CYREN: variants seen among roughly 807,000 people sequenced by gnomAD.
The protein encoded by CYREN is cell cycle regulator of NHEJ.
In CYREN, 7 loss-of-function variants were observed where a neutral mutation model predicts 9.7. The ratio of observed to expected loss-of-function variants is 0.72; its 90% CI spans 0.41 to 1.36. The LOEUF is 1.36. Ranked by LOEUF, CYREN falls within the 40% of genes most tolerant of loss-of-function variation. The probability of loss-of-function intolerance (pLI) is 0.01; values close to 1 mark genes in which losing one functional copy is unlikely to be tolerated. For synonymous variants in CYREN, 76 were observed against 77.9 expected, an observed-to-expected ratio of 0.98 and a Z score of 0.13; for missense variants, 215 against 198.1, an observed-to-expected ratio of 1.09 and a Z score of -0.51.
At chr7:135,161,301 A>T (rs1431700212), downstream of CYREN, among the ~76,000 whole-genome samples, 2 of 152,230 alleles carry the variant, frequency 1.3e-5, no homozygotes, top group Non-Finnish European at 2.9e-5. This position sits in a 1 kb window ranked among gnomAD's most constrained non-coding sequence, Gnocchi z 4.1. Flanking sequence ...ATTAATTTTT[A>T]AAAAGGCAGC....
In CYREN at chr7:135,113,510, T is replaced by C. The variant is rs111396303; in HGVS notation, n.357-18928A>G. ...CACAGTGTATTTCTTGCTTTTATTC[T>C]AAATGTATTCTACTTTCTCTTATGC... On this transcript the variant is annotated intron_variant and non_coding_transcript_variant, in intron 2 of 2. Transcript: ENST00000459937. Among the ~76,000 whole-genome samples, 198 of 152,354 alleles carry C rather than the reference T, an allele frequency of 1.3e-3. 3 individuals are homozygous for C. Among genetic ancestry groups the C allele is most frequent in the African/African-American group, 4.7e-3 (196 of 41,584 alleles).
intron 2 of CYREN, among the ~76,000 whole-genome samples, chr7:135,110,332 G>A (rs1825442868): frequency 6.6e-6 from 1 of 152,194 alleles, no homozygotes; most frequent in Non-Finnish European, 1.5e-5. Context: ...TATGTACAGA[G>A]GTCTAACTTC....
In CYREN at chr7:135,168,873, A is replaced by T. The variant is rs369731450; in HGVS notation, c.50T>A (p.Leu17Gln). Residue 17 changes from leucine (L) to glutamine (Q), a missense_variant, in exon 2 of 4, where the codon CTG (leucine) becomes CAG (glutamine). Leu to Gln is a moderately radical substitution (Grantham distance 113). Coordinates refer to ENST00000393114, the MANE Select transcript of CYREN (RefSeq NM_024033.4). ...ATTCTTTGTAGCCACCTGGGCTGTC[A>T]GCCATGAGGGAAGGACCCTCGTTTT... ...ETKTRVLPSW[L>Q]TAQVATKNVA... is the part of the protein sequence containing the mutation. The T allele has an allele frequency of 3.7e-6, 6 of 1,613,910 alleles. No homozygotes were observed. Among genetic ancestry groups the T allele is most frequent in the Non-Finnish European group, 5.1e-6 (6 of 1,179,892 alleles).
intron 2 of CYREN, among the ~76,000 whole-genome samples, chr7:135,156,916 G>A (rs1482227185): frequency 4.6e-5 from 7 of 152,198 alleles, no homozygotes; most frequent in Non-Finnish European, 1.0e-4. Context: ...TAGTGAATAA[G>A]TCTCATGAGA....
At chr7:135,116,784 T>C (rs1826379965) in intron 2 of CYREN, among the ~76,000 whole-genome samples, 1 of 152,208 alleles carries the variant, frequency 6.6e-6, no homozygotes, top group Non-Finnish European at 1.5e-5. Flanking sequence ...TCTGTGGTGC[T>C]TGGCTGGAGT....
intron 2 of CYREN, chr7:135,128,351 G>C: frequency 5.5e-6 from 1 of 183,206 alleles, no homozygotes; most frequent in Admixed American, 6.5e-5. Flanking sequence ...CAAGGCATTT[G>C]TAAACTGTCA....
rs543517927 is a variant in CYREN, at chr7:135,095,487, A to G, written n.357-905T>C. Among the ~76,000 whole-genome samples, 51 of 152,318 alleles carry G rather than the reference A, an allele frequency of 3.3e-4. No homozygotes were observed. The South Asian group carries it at 5.0e-3, about 15-fold the overall frequency. On this transcript the variant is annotated intron_variant and non_coding_transcript_variant, in intron 2 of 2. Transcript: ENST00000459937. ...GCTACAGCAAACATTAAACAGTCCA[A>G]TTCCTTGTCAGATTAATATAAAACC...
intron 3 of CYREN, 188 bp downstream of exon 3, chr7:135,167,544 C>A: frequency 7.0e-7 from 1 of 1,430,840 alleles, no homozygotes; most frequent in Non-Finnish European, 9.1e-7. Flanking sequence ...CTCAAAGACA[C>A]CCCACGAGCG....
At chr7:135,110,460 G>A (rs151079560) in intron 2 of CYREN, among the ~76,000 whole-genome samples, 10 of 152,128 alleles carry the variant, frequency 6.6e-5, no homozygotes, top group African/African-American at 2.4e-4. Flanking sequence ...ATAACCCTAT[G>A]TGTCAGACTG....
At chr7:135,095,630 C>G (rs778294455) in intron 2 of CYREN, among the ~76,000 whole-genome samples, 1 of 152,194 alleles carries the variant, frequency 6.6e-6, no homozygotes, top group Non-Finnish European at 1.5e-5. Context: ...TCTTTGCTTT[C>G]AGTTCCCCAA....
chr7:135,111,648 T>C (rs979918469), intron 2 of CYREN, among the ~76,000 whole-genome samples: 2 of 152,100 alleles, frequency 1.3e-5, no homozygotes, highest in East Asian at 3.9e-4. Context: ...GTCATATCTG[T>C]GACACTACTC....
At chr7:135,120,842 G>C (rs1409060512) in intron 2 of CYREN, among the ~76,000 whole-genome samples, 1 of 152,152 alleles carries the variant, frequency 6.6e-6, no homozygotes, top group Non-Finnish European at 1.5e-5. Context: ...TTATCAAAGA[G>C]GGGCATTATA....
intron 2 of CYREN, among the ~76,000 whole-genome samples, chr7:135,111,796 AC>A (rs1264595837): frequency 6.6e-6 from 1 of 152,104 alleles, no homozygotes; most frequent in East Asian, 1.9e-4. Context: ...GGTCTTTCTC[AC>A]CACATACTTT....
intron 2 of CYREN, among the ~76,000 whole-genome samples, chr7:135,101,911 A>G (rs934117810): frequency 1.3e-5 from 2 of 152,134 alleles, no homozygotes; most frequent in African/African-American, 4.8e-5. Flanking sequence ...TGCTGTCCTC[A>G]TGATAGTAAA....
chr7:135,120,830 A>T (rs1223968389), intron 2 of CYREN, among the ~76,000 whole-genome samples: 1 of 152,218 alleles, frequency 6.6e-6, no homozygotes, highest in Non-Finnish European at 1.5e-5. Flanking sequence ...GAGGAAAGAA[A>T]ATTATCAAAG....
downstream of CYREN, among the ~76,000 whole-genome samples, chr7:135,164,185 G>A (rs1585361098): frequency 6.6e-6 from 1 of 152,230 alleles, no homozygotes; most frequent in Admixed American, 6.5e-5. Flanking sequence ...CACTTTCAAA[G>A]CTGCTTGGGA....
chr7:135,171,793 G>C (rs1022126258), upstream of CYREN, among the ~76,000 whole-genome samples: 1 of 98,850 alleles, frequency 1.0e-5, no homozygotes. Flanking sequence ...CCTGTGGAGC[G>C]TCCCTGCAGA....
intron 2 of CYREN, among the ~76,000 whole-genome samples, chr7:135,104,283 A>G (rs1230134508): frequency 6.6e-6 from 1 of 152,190 alleles, no homozygotes; most frequent in Non-Finnish European, 1.5e-5. Context: ...TCCATGGTGT[A>G]TGTGTACCAC....
At chr7:135,170,812 G>A (rs1830614379), upstream of CYREN, 2 of 152,046 alleles carry the variant, frequency 1.3e-5, no homozygotes. Context: ...CAGTCCCGGC[G>A]CCCGGGACAC....
Sources: gnomAD v4.1 joint callset for allele counts (sites outside exome capture counted in the v4.1 genomes callset) on GRCh38, gnomAD v4.1.1 for gene constraint, Gnocchi (gnomAD v3.1) non-coding constraint, MANE v1.5 for transcripts, NCBI Gene and HGNC (gene_info 2026-07-23, HGNC 2026-07-21) for gene names.